TNR: variants seen among roughly 807,000 people sequenced by gnomAD.
The protein encoded by TNR is tenascin R.
Under a neutral mutation model 150.4 loss-of-function variants are expected in TNR, and 45 were observed. The observed-to-expected ratio is 0.30, with a 90% CI of 0.24 to 0.38. TNR has a LOEUF of 0.38. Among genes scored for constraint, TNR ranks in the 10% least tolerant of loss-of-function variants. The pLI is 1.00. For synonymous variants in TNR, 687 were observed against 678.4 expected, an observed-to-expected ratio of 1.01 and a Z score of -0.20; for missense variants, 1,544 against 1,759.1, an observed-to-expected ratio of 0.88 and a Z score of 2.19.
intron 1 of TNR, among the ~76,000 whole-genome samples, chr1:175,722,664 C>T (rs536510153): frequency 5.1e-4 from 77 of 152,202 alleles, no homozygotes; most frequent in African/African-American, 1.8e-3. Context: ...AGGGTTTCAC[C>T]ACGTTGCTCA....
intron 2 of TNR, among the ~76,000 whole-genome samples, chr1:175,434,799 C>A (rs1655424260): frequency 6.6e-6 from 1 of 152,192 alleles, no homozygotes; most frequent in Non-Finnish European, 1.5e-5. Flanking sequence ...TGTTGCTCCT[C>A]TGCTAAAGAA....
intron 1 of TNR, among the ~76,000 whole-genome samples, chr1:175,602,129 T>C (rs1414978045): frequency 6.7e-6 from 1 of 148,936 alleles, no homozygotes; most frequent in African/African-American, 2.5e-5. Context: ...TATAAATATT[T>C]GTCCTCCAGG....
intron 1 of TNR, among the ~76,000 whole-genome samples, chr1:175,551,879 G>A (rs1571596535): frequency 6.6e-6 from 1 of 152,196 alleles, no homozygotes. Flanking sequence ...GCACCTGTGT[G>A]AGTGTGTGTG....
chr1:175,524,529 A>C (rs567445372), intron 2 of TNR, among the ~76,000 whole-genome samples: 9 of 152,270 alleles, frequency 5.9e-5, no homozygotes, highest in Non-Finnish European at 1.2e-4. Context: ...TGGGTGGATC[A>C]GGCTATAGAG....
intron 2 of TNR, among the ~76,000 whole-genome samples, chr1:175,473,162 T>G (rs1657371963): frequency 6.6e-6 from 1 of 152,204 alleles, no homozygotes; most frequent in South Asian, 2.1e-4. Context: ...GTCTAACTGA[T>G]GTCTGAAGAC....
chr1:175,542,653 T>G (rs1461473687), intron 1 of TNR, among the ~76,000 whole-genome samples: 4 of 152,182 alleles, frequency 2.6e-5, no homozygotes, highest in African/African-American at 7.2e-5. Context: ...GACAAGCAAT[T>G]TTTTCATAAT....
At chr1:175,595,146 G>A (rs1339035250) in intron 1 of TNR, among the ~76,000 whole-genome samples, 1 of 152,132 alleles carries the variant, frequency 6.6e-6, no homozygotes, top group East Asian at 1.9e-4. Flanking sequence ...CAGCCTGGGT[G>A]ACAGAGGGAG....
chr1:175,430,878 T>C (rs569351068), intron 2 of TNR, among the ~76,000 whole-genome samples: 13 of 152,328 alleles, frequency 8.5e-5, no homozygotes, highest in Admixed American at 8.5e-4. Flanking sequence ...ATGGGTTGTT[T>C]TATATTTTGT....
chr1:175,489,819 A>G (rs976405196), intron 2 of TNR, among the ~76,000 whole-genome samples: 2 of 152,154 alleles, frequency 1.3e-5, no homozygotes, highest in Admixed American at 1.3e-4. Flanking sequence ...GTACACACAT[A>G]CTTTTTTCCA....
rs541697503 is a variant in TNR, at chr1:175,719,278, G to A, written c.-165+23948C>T. 1.3e-5 allele frequency among the ~76,000 whole-genome samples: 2 copies of A among 152,264 alleles called. 1 individual carries two copies. The highest frequency in any genetic ancestry group is 3.9e-4 in the East Asian group (2 of 5,168). ...CAGGGGTGTCGGGATATTGGGGCAT[G>A]ATCTAAGAAGCTCAGGCTACTGTGG... On this transcript the variant is annotated intron_variant, in intron 1 of 22. Transcript: ENST00000367674.
intron 1 of TNR, among the ~76,000 whole-genome samples, chr1:175,707,962 C>T (rs1461860058): frequency 2.0e-5 from 3 of 151,684 alleles, no homozygotes; most frequent in Non-Finnish European, 2.9e-5. Flanking sequence ...ATAAATTTAG[C>T]ACTTCAGAAA....
chr1:175,366,036 G>T lies in TNR; in HGVS notation c.2156C>A (p.Thr719Asn), dbSNP rs1261285751. Residue 719 changes from threonine to asparagine, a missense_variant, in exon 11 of 23, where the codon ACC (threonine) becomes AAC (asparagine). Thr to Asn is a moderately conservative substitution (Grantham distance 65). This residue lies in a region of TNR where 1,254 missense variants were observed against 1,329.4 expected (regional missense o/e 0.94). Transcript: ENST00000367674. Reference sequence around the variant, plus strand: ...GGCAATCCCAGAGGATGGGGTAAAGGTAATTCGGTAGTGGTCAATGGGGCC... The same window carrying T: ...GGCAATCCCAGAGGATGGGGTAAAGTTAATTCGGTAGTGGTCAATGGGGCC... Reference protein sequence around the residue: ...ASGPIDHYRITFTPSSGIASE... With the variant: ...ASGPIDHYRINFTPSSGIASE... 1 of 1,614,034 alleles carries T rather than the reference G, an allele frequency of 6.2e-7. No individual in the cohort carries two copies. Among genetic ancestry groups the T allele is most frequent in the Non-Finnish European group, 8.5e-7 (1 of 1,180,028 alleles).
chr1:175,458,003 A>G (rs1046322217), intron 2 of TNR, among the ~76,000 whole-genome samples: 5 of 152,190 alleles, frequency 3.3e-5, no homozygotes, highest in Non-Finnish European at 1.5e-5. Context: ...ATTATTCAAA[A>G]TCTCTGATCC....
At chr1:175,605,866 C>T (rs1663388011) in intron 1 of TNR, among the ~76,000 whole-genome samples, 1 of 152,168 alleles carries the variant, frequency 6.6e-6, no homozygotes, top group African/African-American at 2.4e-5. Flanking sequence ...CACAATTCTT[C>T]AAAAGCAGGC....
Position 175,419,887 on chromosome 1 carries a change from C to A in TNR, c.-63-13110G>T, listed in dbSNP as rs1459512594. 2.0e-5 allele frequency among the ~76,000 whole-genome samples: 3 copies of A among 152,232 alleles called. No homozygotes were observed. The East Asian group carries it at 5.8e-4, about 29-fold the overall frequency. On this transcript the variant is annotated intron_variant, in intron 2 of 22. Transcript: ENST00000367674. Reference sequence around the variant, plus strand: ...GGGACTCCTTCTCTTGGCACACACACTCCTTGGAACTCTTAATTTGCCGCT... The same window carrying A: ...GGGACTCCTTCTCTTGGCACACACAATCCTTGGAACTCTTAATTTGCCGCT...
chr1:175,674,348 A>G (rs1218451329), intron 1 of TNR, among the ~76,000 whole-genome samples: 2 of 152,220 alleles, frequency 1.3e-5, no homozygotes. Flanking sequence ...ATAGCTCTGA[A>G]TGGCAGCTCT....
At chr1:175,602,786 T>G (rs1373313178) in intron 1 of TNR, among the ~76,000 whole-genome samples, 2 of 152,218 alleles carry the variant, frequency 1.3e-5, no homozygotes, top group African/African-American at 4.8e-5. Flanking sequence ...TGCTTTCTTC[T>G]TTCAGGTTAC....
At chr1:175,722,365 T>G (rs1667328690) in intron 1 of TNR, among the ~76,000 whole-genome samples, 1 of 152,216 alleles carries the variant, frequency 6.6e-6, no homozygotes, top group African/African-American at 2.4e-5. Context: ...GGAAAGGGTT[T>G]ATTCCTGTAG....
rs748654528 is a variant in TNR at position 175,365,014 on chromosome 1, G to A, written c.2583C>T (p.Thr861=). The change falls in exon 12 of 23, where the codon ACC becomes ACT. Residue 861 remains threonine (T), a synonymous_variant. Transcript: ENST00000367674. The stretch of plus-strand genomic sequence containing the variant: ...TGCCAAGTCCTCCAGCCTCACCTGT[G>A]GTGATGGAGCCCACAATGGGCTCAG... ...VTSEPIVGSI[T]TGIDPPKDIT... is the part of the protein sequence containing the mutation. The A allele has an allele frequency of 6.2e-7, 1 of 1,605,668 alleles. No homozygotes were observed. Among genetic ancestry groups the A allele is most frequent in the Non-Finnish European group, 8.5e-7 (1 of 1,173,412 alleles).
Sources: allele counts gnomAD v4.1 joint callset (sites outside exome capture counted in the v4.1 genomes callset), GRCh38; gene constraint gnomAD v4.1.1; regional missense constraint gnomAD v4.1.1; transcripts MANE v1.5; gene names NCBI Gene and HGNC (gene_info 2026-07-23, HGNC 2026-07-21).